The following TNFAIP8 variants were observed in gnomAD, a reference collection of about 807,000 sequenced individuals.
TNFAIP8 encodes TNF alpha induced protein 8, also known as tumor necrosis factor alpha-induced protein 8.
Under a neutral mutation model 13.3 loss-of-function variants are expected in TNFAIP8, and 7 were observed. The ratio of observed to expected loss-of-function variants is 0.52; its 90% CI spans 0.30 to 0.99. The LOEUF is 0.99. Among genes scored for constraint, TNFAIP8 ranks in the 50% least tolerant of loss-of-function variants. TNFAIP8 has a pLI of 0.07. For missense variants in TNFAIP8, 258 were observed against 236.9 expected, an observed-to-expected ratio of 1.09 and a Z score of -0.58; for synonymous variants, 94 against 87.6, an observed-to-expected ratio of 1.07 and a Z score of -0.41.
At chr5:119,288,940 A>T (rs1435303795) in intron 1 of TNFAIP8, among the ~76,000 whole-genome samples, 1 of 152,220 alleles carries the variant, frequency 6.6e-6, no homozygotes, top group East Asian at 1.9e-4. Flanking sequence ...AATTGTCTAG[A>T]TTTGTGCTCC....
intron 1 of TNFAIP8, among the ~76,000 whole-genome samples, chr5:119,273,544 A>T (rs932788877): frequency 3.3e-5 from 5 of 152,212 alleles, no homozygotes; most frequent in African/African-American, 7.2e-5. Flanking sequence ...TTCGAGTTTT[A>T]TGTGCCTGAG....
chr5:119,278,303 GC>G (rs1748517932), intron 1 of TNFAIP8, among the ~76,000 whole-genome samples: 1 of 150,492 alleles, frequency 6.6e-6, no homozygotes, highest in African/African-American at 2.5e-5. Flanking sequence ...AGCTTTCTCA[GC>G]AACAGGTATC....
chr5:119,332,058 G>A (rs575296478), intron 1 of TNFAIP8, among the ~76,000 whole-genome samples: 20 of 152,260 alleles, frequency 1.3e-4, no homozygotes, highest in African/African-American at 3.9e-4. Context: ...CAAAAATATG[G>A]TTTCTAAGGT....
intron 1 of TNFAIP8, among the ~76,000 whole-genome samples, chr5:119,328,168 G>C (rs1187163392): frequency 5.3e-5 from 8 of 152,130 alleles, no homozygotes; most frequent in Non-Finnish European, 1.2e-4. Flanking sequence ...TTGTTCAAAA[G>C]TCAGAATGTA....
chr5:119,374,100 A>T (rs1177922165), intron 1 of TNFAIP8, among the ~76,000 whole-genome samples: 1 of 152,216 alleles, frequency 6.6e-6, no homozygotes, highest in Non-Finnish European at 1.5e-5. Flanking sequence ...TTTTTTTAAT[A>T]CAAATACATT....
intron 1 of TNFAIP8, among the ~76,000 whole-genome samples, chr5:119,271,557 G>A (rs114008429): frequency 6.6e-6 from 1 of 152,174 alleles, no homozygotes. Context: ...CCAGGAGACG[G>A]GAGAAGCAGT....
At chr5:119,362,670 C>A (rs1406063892) in intron 1 of TNFAIP8, among the ~76,000 whole-genome samples, 1 of 151,882 alleles carries the variant, frequency 6.6e-6, no homozygotes, top group Non-Finnish European at 1.5e-5. Context: ...GTGGAATGCA[C>A]CTGTAGTCCC....
upstream of TNFAIP8, chr5:119,354,218 A>G (rs1322364304): frequency 6.6e-6 from 1 of 152,220 alleles, no homozygotes; most frequent in Non-Finnish European, 1.5e-5. Context: ...GGGACCATGA[A>G]GTTAACTGTG....
chr5:119,298,900 G>A (rs1023750105), intron 1 of TNFAIP8, among the ~76,000 whole-genome samples: 115 of 147,512 alleles, frequency 7.8e-4, no homozygotes, highest in African/African-American at 2.8e-3. Context: ...TGATCTCATC[G>A]GCTCCTGAGG....
At chr5:119,293,348 A>G (rs1055154079) in intron 1 of TNFAIP8, among the ~76,000 whole-genome samples, 1 of 152,128 alleles carries the variant, frequency 6.6e-6, no homozygotes, top group Admixed American at 6.5e-5. Context: ...TTTGAGCAAC[A>G]TCTCCCCATC....
chr5:119,278,062 A>G (rs764155116), intron 1 of TNFAIP8, among the ~76,000 whole-genome samples: 7 of 152,318 alleles, frequency 4.6e-5, no homozygotes, highest in South Asian at 4.1e-4. Context: ...GAGGGACACA[A>G]TTCAGATCAT....
rs985955030 is a variant in TNFAIP8, at chr5:119,399,441, A to G, written c.*6060A>G. 1 of 152,224 alleles carries G rather than the reference A, an allele frequency of 6.6e-6. No homozygotes were observed. The highest frequency in any genetic ancestry group is 2.4e-5 in the African/African-American group (1 of 41,456). The allele number at this position is 152,224 out of a possible 1,614,324, so 9.4% of individuals were successfully genotyped here. On this transcript the variant is annotated 3_prime_UTR_variant, in exon 2 of 2. Transcript: ENST00000504771. ...CCTGAAGGCTATTCCTATGTGAGGT[A>G]TTGTTTACGGGTGGCCTTTCACTAT... is the stretch of plus-strand genomic sequence containing the variant.
intron 1 of TNFAIP8, among the ~76,000 whole-genome samples, chr5:119,311,145 C>G (rs1328101833): frequency 6.6e-6 from 1 of 152,074 alleles, no homozygotes; most frequent in Non-Finnish European, 1.5e-5. Flanking sequence ...ACTTCAGCCC[C>G]CAGTGTAGTT....
At chr5:119,368,431 G>A (rs1202844406) in intron 1 of TNFAIP8, among the ~76,000 whole-genome samples, 1 of 26,002 alleles carries the variant, frequency 3.8e-5, no homozygotes, top group Non-Finnish European at 8.0e-5. Context: ...TCTAAGCAGC[G>A]TGTGTGTGTG....
At chr5:119,358,893 C>T (rs60366920) in intron 1 of TNFAIP8, among the ~76,000 whole-genome samples, 1,975 of 152,192 alleles carry the variant, frequency 0.013, 43 homozygotes, top group African/African-American at 0.045. Context: ...TTTGTGGGGA[C>T]TTGGAAAAGA....
chr5:119,351,217 G>C (rs948421064), upstream of TNFAIP8, among the ~76,000 whole-genome samples: 1 of 152,022 alleles, frequency 6.6e-6, no homozygotes, highest in African/African-American at 2.4e-5. Context: ...TGTAGAGTTA[G>C]GGTCTCTCTA....
intron 1 of TNFAIP8, among the ~76,000 whole-genome samples, chr5:119,277,962 C>T (rs183028479): frequency 6.6e-6 from 1 of 152,222 alleles, no homozygotes. Context: ...ATGACTTAAT[C>T]ACTTCTAACC....
intron 1 of TNFAIP8, among the ~76,000 whole-genome samples, chr5:119,281,315 C>T (rs536800957): frequency 6.6e-6 from 1 of 151,464 alleles, no homozygotes; most frequent in Non-Finnish European, 1.5e-5. Flanking sequence ...CACTCTCTCT[C>T]TCTCACACTT....
At chr5:119,363,868 T>G (rs1751727931) in intron 1 of TNFAIP8, among the ~76,000 whole-genome samples, 1 of 152,228 alleles carries the variant, frequency 6.6e-6, no homozygotes, top group African/African-American at 2.4e-5. Flanking sequence ...CAACTGGGTA[T>G]AAATTGGGGA....
Sources: gnomAD v4.1 joint callset for allele counts (sites outside exome capture counted in the v4.1 genomes callset) on GRCh38, gnomAD v4.1.1 for gene constraint, MANE v1.5 for transcripts, NCBI Gene and HGNC (gene_info 2026-07-23, HGNC 2026-07-21) for gene names.